LDHC: variants seen among roughly 807,000 people sequenced by gnomAD.
The protein encoded by LDHC is L-lactate dehydrogenase C chain.
LDHC carries 20 observed loss-of-function variants against 30.2 expected under a neutral mutation model. The observed-to-expected ratio is 0.66, with a 90% CI of 0.47 to 0.96. The LOEUF is 0.96. LDHC is among the 40% of genes least tolerant of loss of function. The pLI is 0.00. For synonymous variants in LDHC, 139 were observed against 132.7 expected (o/e 1.05, Z -0.32); for missense variants, 362 against 394.9 (o/e 0.92, Z 0.71).
intron 4 of LDHC, among the ~76,000 whole-genome samples, chr11:18,430,442 A>G (rs546582979): frequency 1.4e-4 from 21 of 149,688 alleles, no homozygotes; most frequent in African/African-American, 5.1e-4. Context: ...CCTCACATTG[A>G]TCCTCCCACC....
intron 7 of LDHC, 49 bp downstream of exon 7, chr11:18,446,382 T>C: frequency 7.6e-7 from 1 of 1,314,878 alleles, no homozygotes; most frequent in South Asian, 1.2e-5. Flanking sequence ...TTAATATTTA[T>C]TGGGTCACTA....
intron 3 of LDHC, among the ~76,000 whole-genome samples, chr11:18,419,195 C>T (rs1867075388): frequency 6.6e-6 from 1 of 152,198 alleles, no homozygotes; most frequent in Non-Finnish European, 1.5e-5. Context: ...CTACTCAACT[C>T]TGCTCTTACA....
intron 3 of LDHC, among the ~76,000 whole-genome samples, chr11:18,427,083 C>T (rs894390130): frequency 6.6e-6 from 1 of 152,084 alleles, no homozygotes. Flanking sequence ...AGCGGCTGGG[C>T]GTGGTAGCTG....
At chr11:18,416,744 G>A (rs1193992236) in intron 3 of LDHC, among the ~76,000 whole-genome samples, 2 of 130,030 alleles carry the variant, frequency 1.5e-5, no homozygotes, top group South Asian at 2.4e-4. Context: ...TCCCTTCTCC[G>A]TTCATTTCAT....
chr11:18,412,576 C>T (rs1198587585), intron 1 of LDHC, 133 bp from the exon 2 acceptor site: 1 of 787,856 alleles, frequency 1.3e-6, no homozygotes. Flanking sequence ...CTTTACCCTC[C>T]CCGCATCCTT....
intron 4 of LDHC, among the ~76,000 whole-genome samples, chr11:18,431,587 C>G (rs1848265154): frequency 6.6e-6 from 1 of 151,586 alleles, no homozygotes; most frequent in African/African-American, 2.4e-5. Context: ...TTGCTCTGTC[C>G]CAGGCTGGAG....
intron 7 of LDHC, chr11:18,450,177 A>C (rs536190142): frequency 6.5e-6 from 1 of 152,954 alleles, no homozygotes; most frequent in African/African-American, 2.4e-5. Flanking sequence ...ATGCATGTAG[A>C]TGTTATGTGA....
intron 6 of LDHC, among the ~76,000 whole-genome samples, chr11:18,443,120 A>G (rs1848495474): frequency 6.6e-6 from 1 of 152,220 alleles, no homozygotes; most frequent in Non-Finnish European, 1.5e-5. Context: ...TTCACCAAAA[A>G]GCTTTGAATG....
intron 7 of LDHC, among the ~76,000 whole-genome samples, chr11:18,448,759 T>G (rs75084012): frequency 2.8e-5 from 4 of 142,812 alleles, no homozygotes; most frequent in African/African-American, 1.0e-4. Context: ...TTTTTTTGTG[T>G]GTCAAATAGG....
At chr11:18,442,837 A>G (rs1380015039) in intron 6 of LDHC, among the ~76,000 whole-genome samples, 2 of 151,564 alleles carry the variant, frequency 1.3e-5, no homozygotes, top group Non-Finnish European at 2.9e-5. Context: ...TAGTTTTTAT[A>G]TTTTTAGTAC....
chr11:18,429,879 T>C lies in LDHC; in HGVS notation c.387T>C (p.Pro129=). The part of the protein sequence containing the change: ...SIIPAIVHYS[P]DCKILVVSNP... Reference sequence around the variant, plus strand: ...TTCCTGCCATAGTCCATTATAGTCCTGATTGTAAAATTCTTGTTGTTTCAA... The same window carrying C: ...TTCCTGCCATAGTCCATTATAGTCCCGATTGTAAAATTCTTGTTGTTTCAA... The change falls in exon 4 of 8, where the codon CCT becomes CCC. Residue 129 remains proline, a synonymous_variant. Coordinates refer to ENST00000541669, the MANE Select transcript of LDHC (RefSeq NM_017448.5). The C allele has an allele frequency of 1.7e-5, 28 of 1,609,492 alleles. No homozygotes were observed. Among genetic ancestry groups the C allele is most frequent in the Non-Finnish European group, 2.3e-5 (27 of 1,176,672 alleles).
At chr11:18,439,826 A>AAC (rs916745035) in intron 6 of LDHC, among the ~76,000 whole-genome samples, 11 of 145,184 alleles carry the variant, frequency 7.6e-5, no homozygotes, top group East Asian at 2.0e-4. Flanking sequence ...AAAAAAAAAA[A>AAC]AAAAAAAAAA....
At chr11:18,431,117 C>T (rs1848258204) in intron 4 of LDHC, among the ~76,000 whole-genome samples, 1 of 149,694 alleles carries the variant, frequency 6.7e-6, no homozygotes, top group African/African-American at 2.5e-5. Context: ...GAAACCTTGT[C>T]TCAAAAAAAA....
At chr11:18,450,864 A>G in intron 7 of LDHC, 99 bp from the exon 8 acceptor site, 1 of 840,020 alleles carries the variant, frequency 1.2e-6, no homozygotes, top group South Asian at 1.8e-5. Context: ...TTCTTGTTGA[A>G]TGCTTTAGTC....
chr11:18,412,566 C>A, intron 1 of LDHC, 143 bp from the exon 2 acceptor site: 1 of 723,618 alleles, frequency 1.4e-6, no homozygotes, highest in Non-Finnish European at 2.2e-6. Flanking sequence ...CTGGGCCTTG[C>A]TTTACCCTCC....
At chr11:18,449,542 A>G (rs1033587580) in intron 7 of LDHC, among the ~76,000 whole-genome samples, 5 of 151,864 alleles carry the variant, frequency 3.3e-5, no homozygotes, top group African/African-American at 1.2e-4. Flanking sequence ...GACAGTCTGA[A>G]AAGACAGTGG....
intron 5 of LDHC, among the ~76,000 whole-genome samples, chr11:18,437,874 G>A (rs1317742409): frequency 6.6e-6 from 1 of 151,916 alleles, no homozygotes; most frequent in Non-Finnish European, 1.5e-5. Flanking sequence ...AGACCAGCCT[G>A]GCCAACATAG....
rs545355651 is a variant in LDHC, at chr11:18,426,275, C to T, written c.245-3462C>T. Reference sequence around the variant, plus strand: ...GGTGTGGTGGCTCACGCCTGTAATCCCAGCACTTTGGGAGCCCGAGGCAGG... The same window carrying T: ...GGTGTGGTGGCTCACGCCTGTAATCTCAGCACTTTGGGAGCCCGAGGCAGG... On this transcript the variant is annotated intron_variant, in intron 3 of 7. Coordinates refer to ENST00000541669, the MANE Select transcript of LDHC (RefSeq NM_017448.5). 1.8e-4 allele frequency among the ~76,000 whole-genome samples: 28 copies of T among 152,100 alleles called. No individual in the cohort carries two copies. The East Asian group carries it at 5.4e-3, about 29-fold the overall frequency.
At position 18,451,313 on chromosome 11, in the gene LDHC, T is replaced by G. The variant is rs1463247347; in HGVS notation, c.*186T>G. On this transcript the variant is annotated 3_prime_UTR_variant, in exon 8 of 8. Coordinates refer to ENST00000541669, the MANE Select transcript of LDHC (RefSeq NM_017448.5). ...AGAGATTTTCCTCTTTAAGAATCAT[T>G]TATAGCTCTATTCTAATGATACCCA... 2.2e-6 allele frequency: 1 copy of G among 446,980 alleles called. No homozygotes were observed. Among genetic ancestry groups the G allele is most frequent in the Non-Finnish European group, 3.9e-6 (1 of 257,932 alleles). The allele number at this position is 446,980 out of a possible 1,614,324, so 27.7% of individuals were successfully genotyped here.
Sources: gnomAD v4.1 joint callset for allele counts (sites outside exome capture counted in the v4.1 genomes callset) on GRCh38, gnomAD v4.1.1 for gene constraint, MANE v1.5 for transcripts, NCBI Gene and HGNC (gene_info 2026-07-23, HGNC 2026-07-21) for gene names.